KYNU: variants seen among roughly 807,000 people sequenced by gnomAD.
KYNU encodes the protein L-kynurenine hydrolase.
KYNU carries 54 observed loss-of-function variants against 59.2 expected under a neutral mutation model. The ratio of observed to expected loss-of-function variants is 0.91; its 90% confidence interval spans 0.73 to 1.14. The LOEUF (loss-of-function observed/expected upper bound fraction) is 1.14, where lower values mean the gene tolerates loss of function less well. KYNU is among the 50% of genes most tolerant of loss of function. The pLI, the probability that KYNU is intolerant of heterozygous loss-of-function variation, is 0.00. For missense variants in KYNU, 567 were observed against 554.4 expected (o/e 1.02, Z -0.23); for synonymous variants, 177 against 192.0 (o/e 0.92, Z 0.65).
At chr2:142,943,531 A>T (rs1372497894) in intron 4 of KYNU, among the ~76,000 whole-genome samples, 1 of 152,186 alleles carries the variant, frequency 6.6e-6, no homozygotes, top group Non-Finnish European at 1.5e-5. Flanking sequence ...AACATGGAAT[A>T]ACTTTCCCTT....
chr2:142,897,630 G>T (rs965705583), intron 2 of KYNU, among the ~76,000 whole-genome samples: 1 of 151,960 alleles, frequency 6.6e-6, no homozygotes, highest in African/African-American at 2.4e-5. Flanking sequence ...ACAATTTCAG[G>T]TTCACCAATC....
rs142425385 is a variant in KYNU at position 142,926,801 on chromosome 2, G to C, written c.291-858G>C. On this transcript the variant is annotated intron_variant, in intron 3 of 13. Transcript: ENST00000264170. The stretch of plus-strand genomic sequence containing the variant: ...CACACCAGGCTTGGGAAAAAAACAA[G>C]TGATAGGGCAGGAGGCTGTAAAACA... 7.7e-3 allele frequency among the ~76,000 whole-genome samples: 1,176 copies of C among 152,272 alleles called. 10 individuals carry two copies. Among genetic ancestry groups the C allele is most frequent in the Middle Eastern group, 0.02 (6 of 294 alleles).
chr2:143,028,687 A>T (rs561437765), intron 10 of KYNU, among the ~76,000 whole-genome samples: 7 of 151,794 alleles, frequency 4.6e-5, no homozygotes, highest in African/African-American at 1.7e-4. Context: ...CTCTACTAAA[A>T]ATACAAAAAA....
chr2:142,983,396 A>T (rs952365683), intron 8 of KYNU, among the ~76,000 whole-genome samples: 4 of 152,052 alleles, frequency 2.6e-5, no homozygotes, highest in Non-Finnish European at 5.9e-5. Context: ...CACATGGCTG[A>T]TCCCAGTGGC....
At chr2:142,924,373 C>T (rs1682984165) in intron 3 of KYNU, among the ~76,000 whole-genome samples, 1 of 152,184 alleles carries the variant, frequency 6.6e-6, no homozygotes, top group Admixed American at 6.5e-5. Context: ...TCCCAAAATG[C>T]TGGGATTACA....
At chr2:143,013,298 CTG>C (rs71301735) in intron 10 of KYNU, among the ~76,000 whole-genome samples, 48 of 149,342 alleles carry the variant, frequency 3.2e-4, no homozygotes, top group Admixed American at 9.3e-4. Flanking sequence ...GTCTCTTTCT[CTG>C]TGTGTGTGTG....
intron 8 of KYNU, among the ~76,000 whole-genome samples, chr2:142,980,653 G>C (rs758520150): frequency 3.0e-4 from 45 of 152,050 alleles, no homozygotes; most frequent in Non-Finnish European, 2.4e-4. Flanking sequence ...GAAAATGATT[G>C]CAAGTTTTGG....
chr2:142,962,861 G>A (rs577379322), intron 8 of KYNU, among the ~76,000 whole-genome samples: 4 of 152,254 alleles, frequency 2.6e-5, no homozygotes, highest in East Asian at 1.9e-4. Flanking sequence ...TGTAGACTTC[G>A]ATAGGTCTCT....
At chr2:142,999,615 A>AT (rs1169875314) in intron 10 of KYNU, among the ~76,000 whole-genome samples, 3 of 152,094 alleles carry the variant, frequency 2.0e-5, no homozygotes, top group African/African-American at 4.8e-5. Context: ...AAATGTAATT[A>AT]TTTTTTATTT....
At position 142,980,845 on chromosome 2, in the gene KYNU, C is replaced by A. The variant is rs2105147946; in HGVS notation, c.730-4239C>A. Among the ~76,000 whole-genome samples the A allele has an allele frequency of 2.0e-5, 3 of 152,190 alleles. No individual in the cohort carries two copies. In the South Asian group the frequency reaches 6.2e-4, roughly 32 times the overall value. On this transcript the variant is annotated intron_variant, in intron 8 of 13. Transcript: ENST00000264170. ...TTTATTGAAAAATTGCATAAAGTAGCTACTCAAGTATAGAGTGTTTGCTTT... is the reference window on the plus strand; with the variant it reads ...TTTATTGAAAAATTGCATAAAGTAGATACTCAAGTATAGAGTGTTTGCTTT...
chr2:143,021,486 G>T (rs999437859), intron 10 of KYNU, among the ~76,000 whole-genome samples: 1 of 152,198 alleles, frequency 6.6e-6, no homozygotes, highest in East Asian at 1.9e-4. Context: ...CAATTGGCTC[G>T]TGGTTCTGCA....
intron 10 of KYNU, among the ~76,000 whole-genome samples, chr2:143,005,982 C>T (rs1279257553): frequency 1.3e-5 from 2 of 152,262 alleles, no homozygotes; most frequent in South Asian, 2.1e-4. Context: ...GTCTAGAATA[C>T]TAATGGCTCT....
chr2:142,951,053 A>G (rs900357919), intron 4 of KYNU, among the ~76,000 whole-genome samples: 1 of 152,228 alleles, frequency 6.6e-6, no homozygotes, highest in Non-Finnish European at 1.5e-5. Context: ...TCTTATATGA[A>G]TGTGGTTTGT....
At chr2:143,039,542 A>G (rs894334087) in intron 12 of KYNU, among the ~76,000 whole-genome samples, 1 of 152,094 alleles carries the variant, frequency 6.6e-6, no homozygotes, top group African/African-American at 2.4e-5. Flanking sequence ...TCCCGGACCA[A>G]ATTGAGGGTT....
At chr2:143,011,416 G>A (rs1430945669) in intron 10 of KYNU, among the ~76,000 whole-genome samples, 2 of 131,750 alleles carry the variant, frequency 1.5e-5, no homozygotes, top group African/African-American at 3.1e-5. Context: ...GGAAACAACA[G>A]GTGCTGGAGA....
intron 10 of KYNU, among the ~76,000 whole-genome samples, chr2:142,993,823 A>C (rs1309628644): frequency 6.6e-6 from 1 of 152,050 alleles, no homozygotes; most frequent in Non-Finnish European, 1.5e-5. Flanking sequence ...ATCAGTATAA[A>C]AACATACATT....
In KYNU at chr2:143,055,019, A is replaced by G. The variant is rs950245146; in HGVS notation, c.*12847A>G. 8 of 152,168 alleles carry G rather than the reference A, an allele frequency of 5.3e-5. No homozygotes were observed. The East Asian group carries it at 1.5e-3, about 29-fold the overall frequency. 9.4% of individuals were successfully genotyped at this position (152,168 alleles called of 1,614,324 possible). On this transcript the variant is annotated 3_prime_UTR_variant, in exon 14 of 14. Coordinates refer to ENST00000264170, the MANE Select transcript of KYNU (RefSeq NM_003937.3). ...AGTAAGAAGCTATTCATATTTCTAT[A>G]TATATATACCAAGTACATAGGAGTG...
intron 12 of KYNU, among the ~76,000 whole-genome samples, chr2:143,036,871 A>G (rs188852998): frequency 2.0e-3 from 312 of 152,336 alleles, no homozygotes; most frequent in African/African-American, 6.6e-3. Context: ...GCATGAATCA[A>G]ACTGCCTCTT....
At chr2:143,012,279 C>T (rs1686128300) in intron 10 of KYNU, among the ~76,000 whole-genome samples, 1 of 151,708 alleles carries the variant, frequency 6.6e-6, no homozygotes, top group South Asian at 2.1e-4. Context: ...GTCAGGAGTT[C>T]GAGAGCAGCC....
Sources: gnomAD v4.1 joint callset for allele counts (sites outside exome capture counted in the v4.1 genomes callset) on GRCh38, gnomAD v4.1.1 for gene constraint, MANE v1.5 for transcripts, NCBI Gene and HGNC (gene_info 2026-07-23, HGNC 2026-07-21) for gene names.